DMD: variants seen among roughly 807,000 people sequenced by gnomAD.
DMD encodes the protein mutant dystrophin.
Under a neutral mutation model 330.1 loss-of-function variants are expected in DMD, and 63 were observed. That is an observed-to-expected ratio of 0.19 (90% CI 0.16 to 0.24). The LOEUF (loss-of-function observed/expected upper bound fraction) is 0.24, where lower values mean the gene tolerates loss of function less well. Ranked by LOEUF, DMD falls within the 10% of genes least tolerant of loss-of-function variation. DMD has a pLI of 1.00. For missense variants in DMD, 3,344 were observed against 2,684.1 expected (o/e 1.25, Z -5.43); for synonymous variants, 1,223 against 959.8 (o/e 1.27, Z -5.07).
intron 60 of DMD, among the ~76,000 whole-genome samples, chrX:31,396,269 C>T (rs970698427): frequency 9.1e-6 from 1 of 109,826 alleles, no homozygotes; most frequent in Non-Finnish European, 1.9e-5. Context: ...TCCTGAGTAG[C>T]TGGGACTACA....
chrX:33,015,555 T>C (rs1220671856), intron 2 of DMD, among the ~76,000 whole-genome samples: 1 of 110,126 alleles, frequency 9.1e-6, no homozygotes, highest in Non-Finnish European at 1.9e-5. Flanking sequence ...GAAAAATAAT[T>C]AATGGGTACT....
At position 31,165,474 on chromosome X, in the gene DMD, A is replaced by G. The variant is rs1418200402; in HGVS notation, c.10553+3969T>C. On this transcript the variant is annotated intron_variant, in intron 74 of 78. Transcript: ENST00000357033. ...CTAATCAATTTGCTCTGCAGGTAGTAGAACGACAATGTCTTTGTCTCTCAG... is the reference window on the plus strand; with the variant it reads ...CTAATCAATTTGCTCTGCAGGTAGTGGAACGACAATGTCTTTGTCTCTCAG... Among the ~76,000 whole-genome samples the G allele has an allele frequency of 4.5e-5, 5 of 111,741 alleles. No individual in the cohort carries two copies. In the East Asian group the frequency reaches 1.4e-3, roughly 31 times the overall value.
chrX:32,264,860 C>A (rs980855663), intron 43 of DMD, among the ~76,000 whole-genome samples: 4 of 111,723 alleles, frequency 3.6e-5, no homozygotes, highest in Non-Finnish European at 7.5e-5. Flanking sequence ...GACTTGGGTG[C>A]TGTTAAAAGC....
chrX:32,463,839 AG>A lies in DMD; in HGVS notation c.3277-246del, dbSNP rs776438398. 9.8e-5 allele frequency among the ~76,000 whole-genome samples: 11 copies of A among 112,265 alleles called. 1 individual carries two copies. Among genetic ancestry groups the A allele is most frequent in the East Asian group, 8.4e-4 (3 of 3,561 alleles). On this transcript the variant is annotated intron_variant, in intron 24 of 78. Coordinates refer to ENST00000357033, the MANE Select transcript of DMD (RefSeq NM_004006.3). ...GTATTCTACTTATATCAGAAACAAA[AG>A]GAAATAAATTTAATATTTCTGGTTA...
chrX:32,291,500 T>C (rs1040703457), intron 42 of DMD, among the ~76,000 whole-genome samples: 8 of 112,004 alleles, frequency 7.1e-5, no homozygotes, highest in African/African-American at 2.6e-4. Context: ...AAGTATCTAG[T>C]TGCTATTCAC....
chrX:32,306,383 T>C (rs575711914), intron 42 of DMD, among the ~76,000 whole-genome samples: 4 of 111,309 alleles, frequency 3.6e-5, no homozygotes, highest in African/African-American at 9.8e-5. Context: ...ATAAGCTCAC[T>C]ACCAGCTTTC....
intron 61 of DMD, among the ~76,000 whole-genome samples, chrX:31,327,178 G>A (rs998192126): frequency 1.8e-5 from 2 of 112,190 alleles, no homozygotes; most frequent in Non-Finnish European, 3.8e-5. Context: ...GCATCATGGG[G>A]TATTGTCCAC....
In DMD at chrX:33,148,449, C is replaced by A. The variant is rs1000586613; in HGVS notation, c.31+62833G>T. 3.6e-5 allele frequency among the ~76,000 whole-genome samples: 4 copies of A among 111,825 alleles called. 1 individual carries two copies. Among genetic ancestry groups the A allele is most frequent in the Non-Finnish European group, 7.5e-5 (4 of 53,230 alleles). ...CGAGCGTCCCAGTTTTGGACTTTTT[C>A]CCTATCAGTCAGGTTTTTAAAGCCT... On this transcript the variant is annotated intron_variant, in intron 1 of 78. Coordinates refer to ENST00000357033, the MANE Select transcript of DMD (RefSeq NM_004006.3).
intron 60 of DMD, among the ~76,000 whole-genome samples, chrX:31,426,643 A>G (rs2063734724): frequency 8.9e-6 from 1 of 111,925 alleles, no homozygotes; most frequent in Non-Finnish European, 1.9e-5. Flanking sequence ...TACATTCTTG[A>G]TCAGTGTTAT....
intron 44 of DMD, among the ~76,000 whole-genome samples, chrX:32,018,709 C>A (rs1473344327): frequency 8.9e-6 from 1 of 111,997 alleles, no homozygotes; most frequent in Non-Finnish European, 1.9e-5. Context: ...TTCATAGACA[C>A]AGGTCTTATC....
At chrX:32,708,779 A>G (rs1181555813) in intron 7 of DMD, among the ~76,000 whole-genome samples, 3 of 111,794 alleles carry the variant, frequency 2.7e-5, no homozygotes, top group Middle Eastern at 4.7e-3. Flanking sequence ...CTCTCAGCAC[A>G]AAACATTTAT....
intron 7 of DMD, among the ~76,000 whole-genome samples, chrX:32,791,908 T>C (rs757818530): frequency 9.0e-6 from 1 of 111,499 alleles, no homozygotes; most frequent in East Asian, 2.8e-4. Context: ...AGGGATACAA[T>C]TCAAAAATGT....
intron 7 of DMD, among the ~76,000 whole-genome samples, chrX:32,719,769 ATCAG>A (rs1446246937): frequency 1.8e-5 from 2 of 110,318 alleles, no homozygotes; most frequent in Non-Finnish European, 3.8e-5. Context: ...ATTTACTGTT[ATCAG>A]TCAGTCAATA....
intron 17 of DMD, 79 bp downstream of exon 17, chrX:32,545,080 G>C (rs1317550935): frequency 9.9e-7 from 1 of 1,006,763 alleles, no homozygotes; most frequent in Non-Finnish European, 1.4e-6. Flanking sequence ...TATTGCTGAA[G>C]TGAAAACACC....
intron 54 of DMD, among the ~76,000 whole-genome samples, chrX:31,629,410 ATCT>A (rs1395179374): frequency 9.0e-6 from 1 of 111,461 alleles, no homozygotes; most frequent in African/African-American, 3.3e-5. Flanking sequence ...CTGGATAAAA[ATCT>A]TCTGTCTGCA....
intron 17 of DMD, among the ~76,000 whole-genome samples, chrX:32,544,693 T>A (rs1214578016): frequency 9.0e-6 from 1 of 110,647 alleles, no homozygotes; most frequent in African/African-American, 3.3e-5. Flanking sequence ...TGATTTAGGA[T>A]GCGCAGACTG....
Position 31,574,851 on chromosome X carries a change from G to A in DMD, c.8217+52822C>T, listed in dbSNP as rs776107056. Among the ~76,000 whole-genome samples, 5 of 111,531 alleles carry A rather than the reference G, an allele frequency of 4.5e-5. No homozygotes were observed. In the East Asian group the frequency reaches 8.4e-4, roughly 19 times the overall value. ...AAAATAAAACTACGATTTTCTAATC[G>A]TAGTTACTTTTCTCCTAATCTTTTG... On this transcript the variant is annotated intron_variant, in intron 55 of 78. Transcript: ENST00000357033.
chrX:31,602,854 G>A (rs1343870976), intron 55 of DMD, among the ~76,000 whole-genome samples: 1 of 111,623 alleles, frequency 9.0e-6, no homozygotes, highest in African/African-American at 3.3e-5. Context: ...CTAACTCGTT[G>A]AGCTTGTCTC....
intron 1 of DMD, among the ~76,000 whole-genome samples, chrX:33,055,485 C>T (rs2094506200): frequency 8.9e-6 from 1 of 111,750 alleles, no homozygotes; most frequent in African/African-American, 3.3e-5. Flanking sequence ...CACTGTATTG[C>T]AAGTTAAAAT....
Sources: gnomAD v4.1 joint callset for allele counts (sites outside exome capture counted in the v4.1 genomes callset) on GRCh38, gnomAD v4.1.1 for gene constraint, MANE v1.5 for transcripts, NCBI Gene and HGNC (gene_info 2026-07-23, HGNC 2026-07-21) for gene names.